The following IL1RAPL1 variants were observed in gnomAD, a reference collection of about 807,000 sequenced individuals.
IL1RAPL1 encodes the protein interleukin-1 receptor accessory protein-like 1.
A neutral mutation model predicts 48.4 loss-of-function variants in IL1RAPL1; 3 were observed. The observed-to-expected ratio is 0.06, with a 90% confidence interval of 0.03 to 0.16. The LOEUF (loss-of-function observed/expected upper bound fraction) is 0.16. Among genes scored for constraint, IL1RAPL1 ranks in the 10% least tolerant of loss-of-function variants. The pLI, the probability that IL1RAPL1 is intolerant of heterozygous loss-of-function variation, is 1.00. For synonymous variants in IL1RAPL1, 185 were observed against 187.7 expected (o/e 0.99, Z 0.12); for missense variants, 349 against 530.6 (o/e 0.66, Z 3.36).
At position 29,751,649 on chromosome X, in the gene IL1RAPL1, C is replaced by T. The variant is rs746657169; in HGVS notation, c.778+83145C>T. ...AACTTCAAAAATATGGAAAAATGGA[C>T]GCTGGGTGTGGTGGCCCAAACCTAT... On this transcript the variant is annotated intron_variant, in intron 6 of 10. Coordinates refer to ENST00000378993, the MANE Select transcript of IL1RAPL1 (RefSeq NM_014271.4). Among the ~76,000 whole-genome samples the T allele has an allele frequency of 2.2e-4, 25 of 111,121 alleles. No individual in the cohort carries two copies. The South Asian group carries it at 7.2e-3, about 32-fold the overall frequency.
chrX:29,562,090 TGTCTATCTATCTATCTATCTATCTA>T (rs1569339269), intron 5 of IL1RAPL1, among the ~76,000 whole-genome samples: 8 of 74,249 alleles, frequency 1.1e-4, no homozygotes, highest in African/African-American at 5.1e-4. Context: ...CTAATCTATC[TGTCTATCTATCTATCTATCTATCTA>T]ATCTATCTAT....
intron 6 of IL1RAPL1, among the ~76,000 whole-genome samples, chrX:29,778,049 G>A (rs1468765714): frequency 9.1e-6 from 1 of 110,154 alleles, no homozygotes; most frequent in African/African-American, 3.3e-5. Context: ...CATTTTATGA[G>A]TGAAATATAC....
intron 2 of IL1RAPL1, among the ~76,000 whole-genome samples, chrX:29,115,232 C>A (rs1482988508): frequency 1.8e-5 from 2 of 111,661 alleles, no homozygotes; most frequent in East Asian, 5.6e-4. Flanking sequence ...CAGCTTTCTG[C>A]AACTGTTTCA....
At position 29,441,594 on chromosome X, in the gene IL1RAPL1, C is replaced by T. The variant is rs182527701; in HGVS notation, c.703+42286C>T. The stretch of plus-strand genomic sequence containing the variant: ...GTGGGAAGAATAGCTCTTTCCTATA[C>T]TGCACACTTCTTTTCCTGTTGCGGT... On this transcript the variant is annotated intron_variant, in intron 5 of 10. Transcript: ENST00000378993. Among the ~76,000 whole-genome samples, 404 of 112,176 alleles carry T rather than the reference C, an allele frequency of 3.6e-3. 5 individuals carry two copies. Among genetic ancestry groups the T allele is most frequent in the African/African-American group, 0.012 (386 of 30,906 alleles).
At chrX:29,425,751 T>A (rs1438278006) in intron 5 of IL1RAPL1, among the ~76,000 whole-genome samples, 1 of 109,900 alleles carries the variant, frequency 9.1e-6, no homozygotes, top group African/African-American at 3.3e-5. Context: ...AGCTATTTTT[T>A]TTTTGTAGAG....
chrX:29,076,878 G>A (rs1927689070), intron 2 of IL1RAPL1, among the ~76,000 whole-genome samples: 1 of 110,326 alleles, frequency 9.1e-6, no homozygotes, highest in African/African-American at 3.3e-5. Context: ...AAAATGAAAA[G>A]CAAAGAAAAA....
chrX:28,798,182 A>G (rs1375141683), intron 2 of IL1RAPL1, among the ~76,000 whole-genome samples: 1 of 111,259 alleles, frequency 9.0e-6, no homozygotes, highest in African/African-American at 3.3e-5. Context: ...GCCAAACCAT[A>G]TCAATGTTTA....
intron 5 of IL1RAPL1, among the ~76,000 whole-genome samples, chrX:29,647,065 C>G (rs1409475563): frequency 5.3e-5 from 6 of 112,303 alleles, no homozygotes; most frequent in South Asian, 7.3e-4. Context: ...TAAGAATACT[C>G]TAGGCCGAGC....
chrX:28,842,140 A>G (rs1161915535), intron 2 of IL1RAPL1, among the ~76,000 whole-genome samples: 4 of 110,563 alleles, frequency 3.6e-5, no homozygotes, highest in Admixed American at 9.6e-5. Flanking sequence ...CTTTCTAGCC[A>G]TAATTTGGAA....
intron 2 of IL1RAPL1, among the ~76,000 whole-genome samples, chrX:28,829,900 A>G (rs1921005950): frequency 9.1e-6 from 1 of 109,998 alleles, no homozygotes; most frequent in African/African-American, 3.3e-5. Flanking sequence ...TGAGATGGTC[A>G]TGTGGTTTTG....
chrX:29,224,889 C>G (rs765208988), intron 2 of IL1RAPL1, among the ~76,000 whole-genome samples: 1 of 111,741 alleles, frequency 8.9e-6, no homozygotes, highest in African/African-American at 3.3e-5. Context: ...ATGAGAGACC[C>G]CTATGTGATT....
At chrX:28,633,109 G>A (rs754630200) in intron 1 of IL1RAPL1, among the ~76,000 whole-genome samples, 60 of 110,734 alleles carry the variant, frequency 5.4e-4, no homozygotes, top group Admixed American at 8.7e-4. Context: ...GAATGGTCTC[G>A]AACTCCTGGC....
chrX:29,418,090 AATATATAT>A lies in IL1RAPL1; in HGVS notation c.703+18811_703+18818del, dbSNP rs1184407912. Reference sequence around the variant, plus strand: ...AGAAACGTGTTCTTTTTAAAAAAGTAATATATATATATATATATATATATATATATATA... The same window carrying A: ...AGAAACGTGTTCTTTTTAAAAAAGTAATATATATATATATATATATATATA... On this transcript the variant is annotated intron_variant, in intron 5 of 10. Coordinates refer to ENST00000378993, the MANE Select transcript of IL1RAPL1 (RefSeq NM_014271.4). Among the ~76,000 whole-genome samples the A allele has an allele frequency of 6.7e-4, 34 of 51,036 alleles. 3 individuals are homozygous for A. The highest frequency in any genetic ancestry group is 2.5e-3 in the African/African-American group (29 of 11,786). The allele number at this position is 51,036 out of a possible 115,157, so 44.3% of individuals were successfully genotyped here.
chrX:29,752,920 A>C (rs1244966456), intron 6 of IL1RAPL1, among the ~76,000 whole-genome samples: 1 of 112,310 alleles, frequency 8.9e-6, no homozygotes, highest in Non-Finnish European at 1.9e-5. Context: ...AATAAAAACT[A>C]TCAATGTGTC....
chrX:29,379,654 G>A (rs903019031), intron 3 of IL1RAPL1, among the ~76,000 whole-genome samples: 3 of 111,860 alleles, frequency 2.7e-5, no homozygotes, highest in Non-Finnish European at 5.6e-5. Flanking sequence ...GCCATTTGGA[G>A]CCGAAAACTA....
chrX:29,866,274 G>A (rs1931694273), intron 6 of IL1RAPL1, among the ~76,000 whole-genome samples: 1 of 111,718 alleles, frequency 9.0e-6, no homozygotes. Flanking sequence ...GACAGGTGCT[G>A]CTCCAGGACT....
intron 5 of IL1RAPL1, among the ~76,000 whole-genome samples, chrX:29,570,036 G>A (rs920537313): frequency 2.7e-5 from 3 of 112,095 alleles, no homozygotes; most frequent in African/African-American, 9.7e-5. Flanking sequence ...TCTTTAGTAA[G>A]GACATGGCAA....
intron 2 of IL1RAPL1, among the ~76,000 whole-genome samples, chrX:29,161,842 C>A (rs1363896561): frequency 1.8e-5 from 2 of 112,087 alleles, no homozygotes; most frequent in Non-Finnish European, 3.8e-5. Flanking sequence ...TTTGACACAG[C>A]AATCCCATTA....
At chrX:29,174,931 G>A (rs931766197) in intron 2 of IL1RAPL1, among the ~76,000 whole-genome samples, 15 of 109,824 alleles carry the variant, frequency 1.4e-4, no homozygotes, top group Non-Finnish European at 2.5e-4. Flanking sequence ...AAAATTAGCC[G>A]GGCGTGGTGG....
Sources: allele counts gnomAD v4.1 joint callset (sites outside exome capture counted in the v4.1 genomes callset), GRCh38; gene constraint gnomAD v4.1.1; transcripts MANE v1.5; gene names NCBI Gene and HGNC (gene_info 2026-07-23, HGNC 2026-07-21).